ALK: variants seen among roughly 807,000 people sequenced by gnomAD.
ALK encodes ALK receptor tyrosine kinase.
ALK carries 74 observed loss-of-function variants against 163.1 expected under a neutral mutation model. That is an observed-to-expected ratio of 0.45 (90% confidence interval 0.38 to 0.55). ALK has a LOEUF of 0.55. Among genes scored for constraint, ALK ranks in the 20% least tolerant of loss-of-function variants. The pLI is 0.00. For missense variants in ALK, 2,063 were observed against 2,105.3 expected (o/e 0.98, Z 0.39); for synonymous variants, 960 against 843.2 (o/e 1.14, Z -2.40).
chr2:29,428,838 A>G (rs1184210987), intron 4 of ALK, among the ~76,000 whole-genome samples: 2 of 152,046 alleles, frequency 1.3e-5, no homozygotes, highest in African/African-American at 2.4e-5. Flanking sequence ...TATGTCTCTT[A>G]TAGATATAAA....
intron 1 of ALK, among the ~76,000 whole-genome samples, chr2:29,756,856 T>C (rs1300550888): frequency 6.6e-6 from 1 of 152,194 alleles, no homozygotes; most frequent in Non-Finnish European, 1.5e-5. Context: ...TGCCAGTCAC[T>C]GTGCTAGGGA....
chr2:29,759,264 T>G (rs1360814007), intron 1 of ALK, among the ~76,000 whole-genome samples: 1 of 152,204 alleles, frequency 6.6e-6, no homozygotes, highest in African/African-American at 2.4e-5. Flanking sequence ...CCTTTCCGTT[T>G]AGTCAACTAA....
At chr2:29,599,860 T>C (rs1675333840) in intron 3 of ALK, among the ~76,000 whole-genome samples, 1 of 152,200 alleles carries the variant, frequency 6.6e-6, no homozygotes, top group Non-Finnish European at 1.5e-5. Flanking sequence ...TCTTTGCCTG[T>C]AGTAAGGACA....
At chr2:29,599,087 G>A (rs1214886219) in intron 3 of ALK, among the ~76,000 whole-genome samples, 1 of 151,614 alleles carries the variant, frequency 6.6e-6, no homozygotes, top group Non-Finnish European at 1.5e-5. Context: ...GTCATCAATA[G>A]ATAAGTTACC....
chr2:29,315,627 C>T (rs997561402), intron 8 of ALK, among the ~76,000 whole-genome samples: 4 of 152,118 alleles, frequency 2.6e-5, no homozygotes, highest in Non-Finnish European at 2.9e-5. Context: ...CCCCACTCTT[C>T]GCGATGTCAT....
chr2:29,754,239 C>G (rs1680452769), intron 1 of ALK, among the ~76,000 whole-genome samples: 1 of 152,182 alleles, frequency 6.6e-6, no homozygotes, highest in Admixed American at 6.5e-5. Flanking sequence ...GCCACGTCCT[C>G]AAATCCAGGC....
intron 3 of ALK, among the ~76,000 whole-genome samples, chr2:29,580,032 C>G (rs1158545604): frequency 6.6e-6 from 1 of 152,188 alleles, no homozygotes; most frequent in African/African-American, 2.4e-5. Flanking sequence ...ACTGCCCAAA[C>G]AGCCACAGAA....
At chr2:29,299,631 G>A (rs1284009472) in intron 8 of ALK, among the ~76,000 whole-genome samples, 9 of 152,218 alleles carry the variant, frequency 5.9e-5, no homozygotes, top group African/African-American at 2.2e-4. Context: ...CATTTTGGCT[G>A]AAGCATGGAG....
chr2:29,610,481 C>T (rs1341070633), intron 3 of ALK, among the ~76,000 whole-genome samples: 2 of 152,072 alleles, frequency 1.3e-5, no homozygotes, highest in Non-Finnish European at 2.9e-5. Flanking sequence ...TCCTTTCATT[C>T]GAATCCCATG....
intron 4 of ALK, among the ~76,000 whole-genome samples, chr2:29,400,942 T>A (rs1437071617): frequency 6.6e-6 from 1 of 150,948 alleles, no homozygotes; most frequent in African/African-American, 2.4e-5. Context: ...ACCATTGCAC[T>A]CCAGCCTGGG....
intron 1 of ALK, among the ~76,000 whole-genome samples, chr2:29,718,691 T>A (rs1573580912): frequency 6.6e-6 from 1 of 152,168 alleles, no homozygotes; most frequent in African/African-American, 2.4e-5. Context: ...ATCATCTCTG[T>A]TTTACAGATG....
rs587778020 is a variant in ALK, at chr2:29,920,138, G to T, written c.522C>A (p.Phe174Leu). 26 of 1,613,804 alleles carry T rather than the reference G, an allele frequency of 1.6e-5. No homozygotes were observed. The highest frequency in any genetic ancestry group is 1.6e-4 in the Middle Eastern group (1 of 6,084). ...CTTCGCCTTGGCGAATCCACCAACTGAACAGCTCGCTGAGATTGAACTGGA... is the reference window on the plus strand; with the variant it reads ...CTTCGCCTTGGCGAATCCACCAACTTAACAGCTCGCTGAGATTGAACTGGA... Reference protein sequence around the residue: ...GLLQFNLSELFSWWIRQGEGR... With the variant: ...GLLQFNLSELLSWWIRQGEGR... Residue 174 changes from phenylalanine to leucine, a missense_variant, in exon 1 of 29, where the codon TTC becomes TTA. Coordinates refer to ENST00000389048, the MANE Select transcript of ALK (RefSeq NM_004304.5).
chr2:29,814,389 G>A (rs889766006), intron 1 of ALK, among the ~76,000 whole-genome samples: 3 of 151,368 alleles, frequency 2.0e-5, no homozygotes, highest in Non-Finnish European at 2.9e-5. Context: ...GGCCGGGCAC[G>A]GTGGCTCACA....
intron 1 of ALK, among the ~76,000 whole-genome samples, chr2:29,767,875 A>G (rs1225940566): frequency 6.6e-6 from 1 of 152,220 alleles, no homozygotes; most frequent in Non-Finnish European, 1.5e-5. Context: ...AGATGAAAGG[A>G]CATAACTCCA....
intron 1 of ALK, among the ~76,000 whole-genome samples, chr2:29,807,070 G>C (rs1339840527): frequency 6.6e-6 from 1 of 152,264 alleles, no homozygotes; most frequent in Non-Finnish European, 1.5e-5. Context: ...ATTACAATCT[G>C]TGCAGATTGA....
At chr2:29,216,702 G>A (rs764101715) in intron 23 of ALK, among the ~76,000 whole-genome samples, 20 of 151,676 alleles carry the variant, frequency 1.3e-4, no homozygotes, top group Non-Finnish European at 2.8e-4. Context: ...TGTATGGTGT[G>A]TGTGGTGGAT....
chr2:29,321,554 G>A (rs73920779), intron 6 of ALK, among the ~76,000 whole-genome samples: 1,617 of 152,338 alleles, frequency 0.011, 46 homozygotes, highest in African/African-American at 0.036. Flanking sequence ...AATTAAGGCT[G>A]CTAAAAGCCC....
At chr2:29,735,065 C>A (rs188677110) in intron 1 of ALK, among the ~76,000 whole-genome samples, 1 of 152,060 alleles carries the variant, frequency 6.6e-6, no homozygotes, top group Non-Finnish European at 1.5e-5. Flanking sequence ...TTGGTATTCT[C>A]GTTTTGCATA....
rs182997835 is a variant in ALK at position 29,612,129 on chromosome 2, C to G, written c.953-80013G>C. On this transcript the variant is annotated intron_variant, in intron 3 of 28. Transcript: ENST00000389048. Reference sequence around the variant, plus strand: ...GTGCAACAGAACCCAGGCTTCCTCCCTTCCCCCTCCCACTGCCTTCAATGT... The same window carrying G: ...GTGCAACAGAACCCAGGCTTCCTCCGTTCCCCCTCCCACTGCCTTCAATGT... 3.3e-5 allele frequency among the ~76,000 whole-genome samples: 5 copies of G among 152,288 alleles called. No individual in the cohort carries two copies. In the East Asian group the frequency reaches 9.7e-4, roughly 29 times the overall value.
Sources: allele counts gnomAD v4.1 joint callset (sites outside exome capture counted in the v4.1 genomes callset), GRCh38; gene constraint gnomAD v4.1.1; transcripts MANE v1.5; gene names NCBI Gene and HGNC (gene_info 2026-07-23, HGNC 2026-07-21).